CCDC124: variants seen among roughly 807,000 people sequenced by gnomAD.
CCDC124 encodes coiled-coil domain-containing protein 124.
A neutral mutation model predicts 19.8 loss-of-function variants in CCDC124; 9 were observed. The observed-to-expected ratio is 0.45, with a 90% CI of 0.27 to 0.79. CCDC124 has a LOEUF of 0.79. Among genes scored for constraint, CCDC124 ranks in the 30% least tolerant of loss-of-function variants. The probability of loss-of-function intolerance (pLI) is 0.14; values close to 1 mark genes in which losing one functional copy is unlikely to be tolerated. For missense variants in CCDC124, 285 were observed against 319.0 expected (o/e 0.89, Z 0.81); for synonymous variants, 126 against 131.3 (o/e 0.96, Z 0.27).
In CCDC124 at chr19:17,943,241, T is replaced by TCGGGGGCCCCCCCCCCCCCCC; in HGVS notation, c.350-19_350-18insGGGGGCCCCCCCCCCCCCCCC. The TCGGGGGCCCCCCCCCCCCCCC allele has an allele frequency of 1.4e-6, 1 of 736,678 alleles. No homozygotes were observed. Among genetic ancestry groups the TCGGGGGCCCCCCCCCCCCCCC allele is most frequent in the Non-Finnish European group, 2.4e-6 (1 of 414,970 alleles). 45.6% of individuals were successfully genotyped at this position (736,678 alleles called of 1,614,324 possible). ...CTTTGCTTATCTCTCTCTGTCTCTG[T>TCGGGGGCCCCCCCCCCCCCCC]CACCCACCCACCCGCCCAGCCGAGA... On this transcript the variant is annotated intron_variant, in intron 3 of 4. Transcript: ENST00000445755.
At chr19:17,943,136 T>C in intron 3 of CCDC124, 125 bp from the exon 4 acceptor site, 6 of 840,698 alleles carry the variant, frequency 7.1e-6, no homozygotes, top group Non-Finnish European at 9.6e-6. Flanking sequence ...CGCGATTCCA[T>C]CCCCCCTCAT....
chr19:17,943,397 C>T, intron 4 of CCDC124, 22 bp downstream of exon 4: 1 of 1,399,574 alleles, frequency 7.1e-7, no homozygotes, highest in Non-Finnish European at 9.7e-7. Flanking sequence ...GGGCCTGGGG[C>T]TTTCCCAGGG....
chr19:17,936,826 C>T, intron 2 of CCDC124: 1 of 408,424 alleles, frequency 2.4e-6, no homozygotes, highest in Admixed American at 4.1e-5. Context: ...ACTAAAAATA[C>T]AAAAATTAAC....
At position 17,942,613 on chromosome 19, in the gene CCDC124, G is replaced by A. The variant is rs760591349; in HGVS notation, c.160-43G>A. 1.3e-6 allele frequency: 2 copies of A among 1,545,244 alleles called. No homozygotes were observed. The highest frequency in any genetic ancestry group is 2.4e-5 in the South Asian group (2 of 83,624). On this transcript the variant is annotated intron_variant, in intron 2 of 4. Coordinates refer to ENST00000445755, the MANE Select transcript of CCDC124 (RefSeq NM_001136203.2). The surrounding 1 kb of genome is among the most constrained non-coding windows in gnomAD (Gnocchi z 4.2). ...AACCCCAGGCTAGTGGGTGGCGCGG[G>A]GGTGTGGGGTCTTCTGCCTGACCAT...
At chr19:17,939,754 C>T (rs1403588015) in intron 2 of CCDC124, among the ~76,000 whole-genome samples, 3 of 152,032 alleles carry the variant, frequency 2.0e-5, no homozygotes, top group African/African-American at 7.2e-5. Context: ...TCCCGAGTAG[C>T]TGGGATTACA....
At chr19:17,933,481 A>G (rs1433756919) in intron 1 of CCDC124, among the ~76,000 whole-genome samples, 3 of 152,026 alleles carry the variant, frequency 2.0e-5, no homozygotes, top group Non-Finnish European at 4.4e-5. Flanking sequence ...ATTCGCTTCT[A>G]AGTGTGCCCC....
At chr19:17,935,480 G>A (rs970699327) in intron 1 of CCDC124, among the ~76,000 whole-genome samples, 1 of 151,862 alleles carries the variant, frequency 6.6e-6, no homozygotes, top group African/African-American at 2.4e-5. Flanking sequence ...GAGTGCAGTG[G>A]TGTGATCTCA....
At chr19:17,936,625 G>A (rs1482083964) in intron 2 of CCDC124, 46 bp downstream of exon 2, 2 of 1,578,538 alleles carry the variant, frequency 1.3e-6, no homozygotes, top group Non-Finnish European at 1.7e-6. Context: ...TTGTGGCCAA[G>A]GCCAGTGGTC....
At chr19:17,934,085 A>G (rs936774845) in intron 1 of CCDC124, among the ~76,000 whole-genome samples, 3 of 151,956 alleles carry the variant, frequency 2.0e-5, no homozygotes, top group Non-Finnish European at 4.4e-5. Flanking sequence ...GCACTTTGAG[A>G]GGCCGAGGCA....
chr19:17,943,852 A>G lies in CCDC124; in HGVS notation c.*137A>G. 1 of 794,440 alleles carries G rather than the reference A, an allele frequency of 1.3e-6. No homozygotes were observed. The highest frequency in any genetic ancestry group is 3.5e-4 in the Middle Eastern group (1 of 2,890). The allele number at this position is 794,440 out of a possible 1,614,324, so 49.2% of individuals were successfully genotyped here. A position where few individuals can be genotyped will look rare whatever the true frequency, so the allele number is the denominator to read the frequency against. Reference sequence around the variant, plus strand: ...CGGGCCCCGGGGCCATGCTCTTATCACCAGCCACCCGTCCTCCCGCCAGAG... The same window carrying G: ...CGGGCCCCGGGGCCATGCTCTTATCGCCAGCCACCCGTCCTCCCGCCAGAG... On this transcript the variant is annotated 3_prime_UTR_variant, in exon 5 of 5. Coordinates refer to ENST00000445755, the MANE Select transcript of CCDC124 (RefSeq NM_001136203.2).
intron 2 of CCDC124, among the ~76,000 whole-genome samples, chr19:17,937,515 G>C (rs1372324040): frequency 6.6e-6 from 1 of 152,168 alleles, no homozygotes; most frequent in East Asian, 1.9e-4. Flanking sequence ...AACACCTGGA[G>C]ATGTGTTTGG....
chr19:17,937,504 C>T (rs904745310), intron 2 of CCDC124, among the ~76,000 whole-genome samples: 9 of 152,102 alleles, frequency 5.9e-5, no homozygotes, highest in Admixed American at 4.6e-4. Context: ...GGACGCTTGG[C>T]AACACCTGGA....
At chr19:17,943,153 C>G in intron 3 of CCDC124, 108 bp from the exon 4 acceptor site, 1 of 953,396 alleles carries the variant, frequency 1.0e-6, no homozygotes, top group Non-Finnish European at 1.6e-6. Flanking sequence ...TCATCTCTCC[C>G]GCCTTCCTCC....
In CCDC124 at chr19:17,943,241, T is replaced by TGGGGGGGC; in HGVS notation, c.350-20_350-19insGGGGGGGC. The stretch of plus-strand genomic sequence containing the variant: ...CTTTGCTTATCTCTCTCTGTCTCTG[T>TGGGGGGGC]CACCCACCCACCCGCCCAGCCGAGA... On this transcript the variant is annotated intron_variant, in intron 3 of 4. Transcript: ENST00000445755. 4.1e-6 allele frequency: 3 copies of TGGGGGGGC among 736,662 alleles called. No individual in the cohort carries two copies. Among genetic ancestry groups the TGGGGGGGC allele is most frequent in the African/African-American group, 1.8e-5 (1 of 57,132 alleles). 45.6% of individuals were successfully genotyped at this position (736,662 alleles called of 1,614,324 possible). A position where few individuals can be genotyped will look rare whatever the true frequency, so the allele number is the denominator to read the frequency against.
intron 2 of CCDC124, among the ~76,000 whole-genome samples, chr19:17,939,616 C>G (rs1322252715): frequency 6.6e-6 from 1 of 151,342 alleles, no homozygotes; most frequent in Non-Finnish European, 1.5e-5. Context: ...GCACCTTCTC[C>G]TTTGTTAAGA....
In CCDC124 at chr19:17,942,199, G is replaced by A. The variant is rs140687733; in HGVS notation, c.160-457G>A. On this transcript the variant is annotated intron_variant, in intron 2 of 4. Coordinates refer to ENST00000445755, the MANE Select transcript of CCDC124 (RefSeq NM_001136203.2). This position sits in a 1 kb window ranked among gnomAD's most constrained non-coding sequence, Gnocchi z 4.2. The stretch of plus-strand genomic sequence containing the variant: ...CCTGAAACGGGTCCAGGCCTCCCAC[G>A]GCTCTTAGAATCCAACATGAACCCC... 2.0e-4 allele frequency among the ~76,000 whole-genome samples: 30 copies of A among 152,224 alleles called. No homozygotes were observed. The highest frequency in any genetic ancestry group is 4.6e-4 in the Admixed American group (7 of 15,292).
chr19:17,943,900 C>G lies in CCDC124; in HGVS notation c.*185C>G. The G allele has an allele frequency of 3.3e-6, 2 of 609,594 alleles. No individual in the cohort carries two copies. The highest frequency in any genetic ancestry group is 4.0e-5 in the South Asian group (2 of 50,570). 37.8% of individuals were successfully genotyped at this position (609,594 alleles called of 1,614,324 possible). ...GAGGGTCCCTGCCCCGAGTGACACC[C>G]CATCCCCTCCCATCCCCCGGCGCGT... On this transcript the variant is annotated 3_prime_UTR_variant, in exon 5 of 5. Transcript: ENST00000445755.
intron 2 of CCDC124, among the ~76,000 whole-genome samples, chr19:17,938,560 G>C (rs1172507097): frequency 6.6e-6 from 1 of 152,070 alleles, no homozygotes; most frequent in African/African-American, 2.4e-5. Flanking sequence ...TTCTTGGGGG[G>C]AATCTGGACA....
Position 17,943,241 on chromosome 19 carries a change from T to TCCGGGGCC in CCDC124, c.350-19_350-18insCGGGGCCC. On this transcript the variant is annotated intron_variant, in intron 3 of 4. Coordinates refer to ENST00000445755, the MANE Select transcript of CCDC124 (RefSeq NM_001136203.2). ...CTTTGCTTATCTCTCTCTGTCTCTG[T>TCCGGGGCC]CACCCACCCACCCGCCCAGCCGAGA... 2 of 736,678 alleles carry TCCGGGGCC rather than the reference T, an allele frequency of 2.7e-6. No individual in the cohort carries two copies. Among genetic ancestry groups the TCCGGGGCC allele is most frequent in the Non-Finnish European group, 4.8e-6 (2 of 414,970 alleles). The allele number at this position is 736,678 out of a possible 1,614,324, so 45.6% of individuals were successfully genotyped here. A position where few individuals can be genotyped will look rare whatever the true frequency, so the allele number is the denominator to read the frequency against.
Sources: allele counts gnomAD v4.1 joint callset (sites outside exome capture counted in the v4.1 genomes callset), GRCh38; gene constraint gnomAD v4.1.1; non-coding constraint Gnocchi (gnomAD v3.1); transcripts MANE v1.5; gene names NCBI Gene and HGNC (gene_info 2026-07-23, HGNC 2026-07-21).